FARP1: variants seen among roughly 807,000 people sequenced by gnomAD.
FARP1 encodes the protein FERM, ARH/RhoGEF and pleckstrin domain protein 1.
FARP1 carries 52 observed loss-of-function variants against 128.8 expected under a neutral mutation model. The observed-to-expected ratio is 0.40, with a 90% CI of 0.32 to 0.51. The LOEUF (loss-of-function observed/expected upper bound fraction) is 0.51, where lower values mean the gene tolerates loss of function less well. Ranked by LOEUF, FARP1 falls within the 20% of genes least tolerant of loss-of-function variation. The pLI is 0.45. For synonymous variants in FARP1, 580 were observed against 551.8 expected, an observed-to-expected ratio of 1.05 and a Z score of -0.72; for missense variants, 1,333 against 1,367.9, an observed-to-expected ratio of 0.97 and a Z score of 0.40.
At chr13:98,282,822 A>T (rs961601877) in intron 2 of FARP1, among the ~76,000 whole-genome samples, 11 of 151,920 alleles carry the variant, frequency 7.2e-5, no homozygotes, top group Admixed American at 7.2e-4. Context: ...AATCGCTTGA[A>T]CCCAGGAGGT....
chr13:98,374,456 A>G (rs1372067311), intron 5 of FARP1, among the ~76,000 whole-genome samples: 2 of 152,156 alleles, frequency 1.3e-5, no homozygotes, highest in Non-Finnish European at 2.9e-5. Context: ...ATTAAAAAAA[A>G]CAGATCCACT....
chr13:98,262,358 T>G (rs1883925315), intron 2 of FARP1, among the ~76,000 whole-genome samples: 1 of 152,064 alleles, frequency 6.6e-6, no homozygotes, highest in Admixed American at 6.6e-5. Context: ...TTCTTCTTCC[T>G]CCAGGCTCCA....
chr13:98,409,479 A>T lies in FARP1; in HGVS notation c.1556A>T (p.Asp519Val). The T allele has an allele frequency of 6.2e-7, 1 of 1,613,892 alleles. No individual in the cohort carries two copies. The part of the protein sequence containing the change: ...ASPLISPLLN[D>V]QACPRTDDED... ...CCCTTGATCAGCCCGCTGCTGAATG[A>T]CCAGGCCTGCCCCCGGACGGACGAT... The change falls in exon 14 of 27, where the codon GAC (aspartate) becomes GTC (valine). Residue 519 changes from aspartate to valine, a missense_variant. Coordinates refer to ENST00000319562, the MANE Select transcript of FARP1 (RefSeq NM_005766.4).
chr13:98,201,090 A>G (rs1188144519), intron 1 of FARP1, among the ~76,000 whole-genome samples: 1 of 152,172 alleles, frequency 6.6e-6, no homozygotes, highest in Admixed American at 6.5e-5. Context: ...TGTTAACTAT[A>G]ATTTCCCTGC....
chr13:98,363,111 C>A (rs2139956285), intron 3 of FARP1, among the ~76,000 whole-genome samples: 1 of 152,340 alleles, frequency 6.6e-6, no homozygotes, highest in South Asian at 2.1e-4. Context: ...ATCATGTCCT[C>A]CCCATGGGGT....
chr13:98,225,383 C>T (rs940695435), intron 2 of FARP1, among the ~76,000 whole-genome samples: 1 of 152,198 alleles, frequency 6.6e-6, no homozygotes, highest in Non-Finnish European at 1.5e-5. Context: ...CGCACCATTC[C>T]TCTGATCATG....
At chr13:98,407,542 G>A (rs1891029810) in intron 13 of FARP1, 1 of 152,070 alleles carries the variant, frequency 6.6e-6, no homozygotes, top group South Asian at 2.1e-4. Flanking sequence ...GGTGTTTCGG[G>A]TGATGGGGTC....
At chr13:98,191,782 A>C (rs551528190) in intron 1 of FARP1, among the ~76,000 whole-genome samples, 1 of 152,254 alleles carries the variant, frequency 6.6e-6, no homozygotes, top group South Asian at 2.1e-4. Flanking sequence ...GTCCCTACTA[A>C]AAATACAAAA....
chr13:98,293,835 A>C (rs8002587), intron 2 of FARP1, among the ~76,000 whole-genome samples: 8 of 152,132 alleles, frequency 5.3e-5, no homozygotes, highest in African/African-American at 1.9e-4. Context: ...CCTGTCTTTA[A>C]ACTAAGATGG....
intron 2 of FARP1, among the ~76,000 whole-genome samples, chr13:98,266,562 T>G (rs1048035): frequency 0.42 from 63,679 of 151,970 alleles, 14,137 homozygotes; most frequent in African/African-American, 0.56. Context: ...GAAGCAAGAG[T>G]TCTGGGTTGG....
At position 98,453,184 on chromosome 13, in the gene FARP1, A is replaced by C. The variant is rs552813433; in HGVS notation, c.*4867A>C. 16 of 1,613,590 alleles carry C rather than the reference A, an allele frequency of 9.9e-6. No homozygotes were observed. In the Admixed American group the frequency reaches 1.0e-4, roughly 10 times the overall value. On this transcript the variant is annotated 3_prime_UTR_variant, in exon 27 of 27. Transcript: ENST00000319562. ...ATGCCAAAGGAATTTCAGTGGGATGAAGTTCCTCCACCACTTAGAGAGTAT... is the reference window on the plus strand; with the variant it reads ...ATGCCAAAGGAATTTCAGTGGGATGCAGTTCCTCCACCACTTAGAGAGTAT...
intron 2 of FARP1, among the ~76,000 whole-genome samples, chr13:98,262,261 T>A (rs1883920934): frequency 6.6e-6 from 1 of 151,478 alleles, no homozygotes; most frequent in African/African-American, 2.4e-5. Context: ...CTCAAAGAGA[T>A]CCACCTGCCT....
At position 98,393,669 on chromosome 13, in the gene FARP1, G is replaced by A. The variant is rs369996528; in HGVS notation, c.1115G>A (p.Arg372Gln). 18 of 1,613,836 alleles carry A rather than the reference G, an allele frequency of 1.1e-5. No homozygotes were observed. Among genetic ancestry groups the A allele is most frequent in the African/African-American group, 5.3e-5 (4 of 74,900 alleles). The part of the protein sequence containing the change: ...ERKHSKIHSI[R>Q]SLASQPTELN... Reference sequence around the variant, plus strand: ...AAGCACAGCAAGATTCATTCTATCCGGAGCCTTGCTTCACAGCCTACAGAA... The same window carrying A: ...AAGCACAGCAAGATTCATTCTATCCAGAGCCTTGCTTCACAGCCTACAGAA... Residue 372 changes from arginine (R) to glutamine (Q), a missense_variant, in exon 12 of 27, where the codon CGG (arginine) becomes CAG (glutamine). Coordinates refer to ENST00000319562, the MANE Select transcript of FARP1 (RefSeq NM_005766.4).
At position 98,448,675 on chromosome 13, in the gene FARP1, A is replaced by G. The variant is rs1893019931; in HGVS notation, c.*358A>G. 2 of 186,852 alleles carry G rather than the reference A, an allele frequency of 1.1e-5. No individual in the cohort carries two copies. Among genetic ancestry groups the G allele is most frequent in the African/African-American group, 2.3e-5 (1 of 42,584 alleles). 11.6% of individuals were successfully genotyped at this position (186,852 alleles called of 1,614,324 possible). ...AGGGCAAGTGTTTTTCTTCCTAAAA[A>G]AAGTTCTTTCTTTTATTATTTTCAC... On this transcript the variant is annotated 3_prime_UTR_variant, in exon 27 of 27. Transcript: ENST00000319562.
At chr13:98,281,472 C>T (rs973248319) in intron 2 of FARP1, among the ~76,000 whole-genome samples, 1 of 152,098 alleles carries the variant, frequency 6.6e-6, no homozygotes, top group African/African-American at 2.4e-5. Context: ...AATCACAGTG[C>T]AGTTATTTGC....
chr13:98,267,620 A>G (rs1190724448), intron 2 of FARP1, among the ~76,000 whole-genome samples: 2 of 152,216 alleles, frequency 1.3e-5, no homozygotes, highest in Non-Finnish European at 2.9e-5. Context: ...ACACAAGCTG[A>G]AGGGATGTGC....
chr13:98,310,765 T>C (rs1477899049), intron 2 of FARP1, among the ~76,000 whole-genome samples: 1 of 152,184 alleles, frequency 6.6e-6, no homozygotes, highest in Non-Finnish European at 1.5e-5. Flanking sequence ...ACAGTATTTT[T>C]GAGTACACTC....
At chr13:98,300,052 G>T (rs573555270) in intron 2 of FARP1, among the ~76,000 whole-genome samples, 2 of 152,122 alleles carry the variant, frequency 1.3e-5, no homozygotes, top group Non-Finnish European at 2.9e-5. Flanking sequence ...AATGTTTAAA[G>T]AATTTATTAA....
At chr13:98,335,631 C>A (rs1270609043) in intron 2 of FARP1, among the ~76,000 whole-genome samples, 1 of 152,180 alleles carries the variant, frequency 6.6e-6, no homozygotes, top group East Asian at 1.9e-4. Context: ...TCCTTTCTGT[C>A]TGCTTAGCAT....
Sources: allele counts gnomAD v4.1 joint callset (sites outside exome capture counted in the v4.1 genomes callset), GRCh38; gene constraint gnomAD v4.1.1; transcripts MANE v1.5; gene names NCBI Gene and HGNC (gene_info 2026-07-23, HGNC 2026-07-21).